Variants in PRDX6 observed in about 807,000 individuals in gnomAD.
PRDX6 encodes peroxiredoxin-6.
A neutral mutation model predicts 20.0 loss-of-function variants in PRDX6; 13 were observed. That is an observed-to-expected ratio of 0.65 (90% CI 0.42 to 1.03). The LOEUF (loss-of-function observed/expected upper bound fraction) is 1.03. Ranked by LOEUF, PRDX6 falls within the 50% of genes least tolerant of loss-of-function variation. The pLI is 0.00. For missense variants in PRDX6, 203 were observed against 276.9 expected (o/e 0.73, Z 1.89); for synonymous variants, 85 against 100.8 (o/e 0.84, Z 0.94).
intron 1 of PRDX6, among the ~76,000 whole-genome samples, chr1:173,480,672 C>T (rs1658786415): frequency 6.6e-6 from 1 of 152,114 alleles, no homozygotes; most frequent in Non-Finnish European, 1.5e-5. Flanking sequence ...ATAGGTAAAA[C>T]TGTGAAGGTG....
At chr1:173,484,533 A>G (rs1006375862) in intron 2 of PRDX6, among the ~76,000 whole-genome samples, 5 of 152,168 alleles carry the variant, frequency 3.3e-5, no homozygotes, top group Admixed American at 2.6e-4. Context: ...TGTATTCCAC[A>G]TGTATTTACC....
chr1:173,487,943 A>G lies in PRDX6; in HGVS notation c.*80A>G. The G allele has an allele frequency of 1.3e-6, 2 of 1,563,170 alleles. No homozygotes were observed. Among genetic ancestry groups the G allele is most frequent in the Non-Finnish European group, 1.7e-6 (2 of 1,147,914 alleles). On this transcript the variant is annotated 3_prime_UTR_variant, in exon 5 of 5. Transcript: ENST00000340385. ...TTTCCTGCAGCAATTCCATAAACAC[A>G]TCCTGGTGTCATCACAGCCAAGGTT...
rs1658886983 is a variant in PRDX6 at position 173,485,856 on chromosome 1, T to C, written c.399+349T>C. ...ATAAGGCAGCTCTGTTTTAAATTTT[T>C]ATTTGTTCTGTCCTCCGCCCACTAG... On this transcript the variant is annotated intron_variant, in intron 3 of 4. Transcript: ENST00000340385. Among the ~76,000 whole-genome samples the C allele has an allele frequency of 3.3e-5, 5 of 152,234 alleles. No homozygotes were observed. In the South Asian group the frequency reaches 1.0e-3, roughly 32 times the overall value.
At position 173,486,276 on chromosome 1, in the gene PRDX6, A is replaced by T; in HGVS notation, c.421A>T (p.Lys141Ter). Reference sequence around the variant, plus strand: ...ACAGGTGTTTGTTTTTGGTCCTGATAAGAAGCTGAAGCTGTCTATCCTCTA... The same window carrying T: ...ACAGGTGTTTGTTTTTGGTCCTGATTAGAAGCTGAAGCTGTCTATCCTCTA... ...ARVVFVFGPD[K>*]KLKLSILYPA... Residue 141 changes from lysine to a stop codon, truncating the protein, a stop_gained, in exon 4 of 5, where the codon AAG (lysine) becomes TAG (stop). Coordinates refer to ENST00000340385, the MANE Select transcript of PRDX6 (RefSeq NM_004905.3). LOFTEE classifies it high-confidence loss of function. 6.2e-7 allele frequency: 1 copy of T among 1,607,484 alleles called. No homozygotes were observed. Among genetic ancestry groups the T allele is most frequent in the Admixed American group, 1.7e-5 (1 of 58,594 alleles).
At chr1:173,486,696 C>G (rs2101860097) in intron 4 of PRDX6, among the ~76,000 whole-genome samples, 1 of 152,298 alleles carries the variant, frequency 6.6e-6, no homozygotes, top group African/African-American at 2.4e-5. Flanking sequence ...TTTATCTAAC[C>G]CTTCCCTGAT....
chr1:173,486,437 C>T (rs1233328507), intron 4 of PRDX6, 36 bp downstream of exon 4: 34 of 1,581,340 alleles, frequency 2.2e-5, no homozygotes, highest in Non-Finnish European at 2.9e-5. Flanking sequence ...TCTCTACTTG[C>T]CTGAAGGGCC....
At chr1:173,487,649 G>A in intron 4 of PRDX6, 86 bp from the exon 5 acceptor site, 2 of 1,472,942 alleles carry the variant, frequency 1.4e-6, no homozygotes, top group African/African-American at 1.4e-5. Flanking sequence ...ATTAGCACCT[G>A]TAGCTACTTT....
intron 2 of PRDX6, among the ~76,000 whole-genome samples, chr1:173,484,175 TATACACAC>T (rs1658857747): frequency 1.5e-5 from 2 of 134,902 alleles, no homozygotes; most frequent in African/African-American, 2.9e-5. Context: ...TATTTATATA[TATACACAC>T]ACACACACAT....
intron 3 of PRDX6, 83 bp from the exon 4 acceptor site, chr1:173,486,172 T>C: frequency 1.2e-5 from 15 of 1,249,688 alleles, no homozygotes; most frequent in Non-Finnish European, 1.6e-5. Flanking sequence ...CCCTTGAACA[T>C]TATTAATGAC....
chr1:173,485,007 AGTATTTGGGTACCCAGAGGTACCTT>A (rs1658873519), intron 2 of PRDX6, among the ~76,000 whole-genome samples: 1 of 152,150 alleles, frequency 6.6e-6, no homozygotes, highest in African/African-American at 2.4e-5. Context: ...TGATTTTTAC[AGTATTTGGGTACCCAGAGGTACCTT>A]GTATTTGGAT....
At chr1:173,483,638 T>C (rs959487659) in intron 2 of PRDX6, among the ~76,000 whole-genome samples, 1 of 152,220 alleles carries the variant, frequency 6.6e-6, no homozygotes, top group African/African-American at 2.4e-5. Context: ...AAATCCACAA[T>C]GGTTTTGTAT....
chr1:173,479,660 C>G (rs1035013054), intron 1 of PRDX6, among the ~76,000 whole-genome samples: 2 of 152,148 alleles, frequency 1.3e-5, no homozygotes, highest in East Asian at 3.9e-4. Flanking sequence ...AAGGAGGAAA[C>G]CTTTTGTCTT....
At chr1:173,481,221 T>TA in intron 1 of PRDX6, 105 bp from the exon 2 acceptor site, 1 of 1,168,588 alleles carries the variant, frequency 8.6e-7, no homozygotes, top group South Asian at 1.5e-5. Flanking sequence ...AGCATTCATT[T>TA]AAAAAAGAAA....
At position 173,488,427 on chromosome 1, in the gene PRDX6, T is replaced by C; in HGVS notation, c.*564T>C. 1 of 152,274 alleles carries C rather than the reference T, an allele frequency of 6.6e-6. No homozygotes were observed. The highest frequency in any genetic ancestry group is 1.9e-4 in the East Asian group (1 of 5,206). 9.4% of individuals were successfully genotyped at this position (152,274 alleles called of 1,614,324 possible). A position where few individuals can be genotyped will look rare whatever the true frequency, so the allele number is the denominator to read the frequency against. ...TTCATATTCTTTTAATACATCTTGA[T>C]CACAGCTGGGGGAAAAAAAGCTTTT... On this transcript the variant is annotated 3_prime_UTR_variant, in exon 5 of 5. Coordinates refer to ENST00000340385, the MANE Select transcript of PRDX6 (RefSeq NM_004905.3).
chr1:173,477,718 G>T (rs1658724525), intron 1 of PRDX6, among the ~76,000 whole-genome samples: 1 of 152,250 alleles, frequency 6.6e-6, no homozygotes. Context: ...CGGGCCACTC[G>T]ATCCCTCCTG....
Position 173,487,581 on chromosome 1 carries a change from TC to T in PRDX6, c.547-153del, listed in dbSNP as rs1282871017. Among the ~76,000 whole-genome samples the T allele has an allele frequency of 2.6e-5, 4 of 152,110 alleles. No homozygotes were observed. The East Asian group carries it at 7.7e-4, about 29-fold the overall frequency. On this transcript the variant is annotated intron_variant, in intron 4 of 4. Transcript: ENST00000340385. The stretch of plus-strand genomic sequence containing the variant: ...GCTTTCCTGCCAAAAGTGCCAAAGA[TC>T]AACTTGGAAAACAAAATCCTCACAG...
rs1658715361 is a variant in PRDX6 at position 173,477,458 on chromosome 1, G to A, written c.61G>A (p.Gly21Ser). Residue 21 changes from glycine to serine, a missense_variant, in exon 1 of 5, where the codon GGC becomes AGC. Gly to Ser is a moderately conservative substitution (Grantham distance 56). Coordinates refer to ENST00000340385, the MANE Select transcript of PRDX6 (RefSeq NM_004905.3). ...CAACTTTGAGGCCAATACCACCGTC[G>A]GCCGCATCCGTTTCCACGACTTTCT... ...APNFEANTTVGRIRFHDFLGD... is the reference protein window; with the variant it reads ...APNFEANTTVSRIRFHDFLGD... 3 of 1,606,630 alleles carry A rather than the reference G, an allele frequency of 1.9e-6. No homozygotes were observed. Among genetic ancestry groups the A allele is most frequent in the Non-Finnish European group, 2.5e-6 (3 of 1,176,940 alleles).
intron 1 of PRDX6, among the ~76,000 whole-genome samples, chr1:173,480,602 C>G (rs928610745): frequency 2.4e-4 from 37 of 152,058 alleles, no homozygotes; most frequent in Non-Finnish European, 2.4e-4. Flanking sequence ...ACATTGCAGG[C>G]TATCAAAATT....
In PRDX6 at chr1:173,487,980, A is replaced by C; in HGVS notation, c.*117A>C. On this transcript the variant is annotated 3_prime_UTR_variant, in exon 5 of 5. Coordinates refer to ENST00000340385, the MANE Select transcript of PRDX6 (RefSeq NM_004905.3). Reference sequence around the variant, plus strand: ...TCACAGCCAAGGTTTTTAGGTTGCTATACCAATGGCTTATTAAATGAAAAT... The same window carrying C: ...TCACAGCCAAGGTTTTTAGGTTGCTCTACCAATGGCTTATTAAATGAAAAT... 5 of 1,267,226 alleles carry C rather than the reference A, an allele frequency of 3.9e-6. No individual in the cohort carries two copies. Among genetic ancestry groups the C allele is most frequent in the Non-Finnish European group, 4.4e-6 (4 of 917,550 alleles). 78.5% of individuals were successfully genotyped at this position (1,267,226 alleles called of 1,614,324 possible).
Sources: allele counts gnomAD v4.1 joint callset (sites outside exome capture counted in the v4.1 genomes callset), GRCh38; gene constraint gnomAD v4.1.1; transcripts MANE v1.5; gene names NCBI Gene and HGNC (gene_info 2026-07-23, HGNC 2026-07-21).